Variants in PPP2R2B observed in about 807,000 individuals in gnomAD.
PPP2R2B encodes the protein serine/threonine-protein phosphatase 2A 55 kDa regulatory subunit B beta isoform.
PPP2R2B carries 5 observed loss-of-function variants against 46.0 expected under a neutral mutation model. The observed-to-expected ratio is 0.11, with a 90% CI of 0.06 to 0.23. The LOEUF (loss-of-function observed/expected upper bound fraction) is 0.23, where lower values mean the gene tolerates loss of function less well. Ranked by LOEUF, PPP2R2B falls within the 10% of genes least tolerant of loss-of-function variation. The pLI is 1.00. For missense variants in PPP2R2B, 367 were observed against 575.0 expected (o/e 0.64, Z 3.70); for synonymous variants, 215 against 206.7 (o/e 1.04, Z -0.34).
intron 1 of PPP2R2B, among the ~76,000 whole-genome samples, chr5:146,932,535 T>G (rs535641913): frequency 6.6e-6 from 1 of 152,326 alleles, no homozygotes; most frequent in Admixed American, 6.5e-5. Context: ...AGGCCTTTGC[T>G]TCTCCTTTGC....
intron 5 of PPP2R2B, among the ~76,000 whole-genome samples, chr5:146,656,145 T>C (rs1776317761): frequency 6.6e-6 from 1 of 152,134 alleles, no homozygotes; most frequent in Non-Finnish European, 1.5e-5. Context: ...TGTGTATGTG[T>C]ACATGAGGAA....
At chr5:146,754,562 T>A (rs1212963823) in intron 2 of PPP2R2B, among the ~76,000 whole-genome samples, 1 of 152,146 alleles carries the variant, frequency 6.6e-6, no homozygotes, top group African/African-American at 2.4e-5. Flanking sequence ...TCCACTTGAG[T>A]TTGGGCCAGA....
intron 2 of PPP2R2B, among the ~76,000 whole-genome samples, chr5:147,078,199 A>C (rs1427025323): frequency 1.3e-5 from 2 of 152,176 alleles, no homozygotes; most frequent in African/African-American, 4.8e-5. Context: ...TCTAATTATA[A>C]TATTTATATT....
chr5:146,704,281 T>C (rs1368153293), intron 2 of PPP2R2B, among the ~76,000 whole-genome samples: 2 of 152,224 alleles, frequency 1.3e-5, no homozygotes, highest in Non-Finnish European at 2.9e-5. Context: ...CTGGAAAATA[T>C]ACTGCTCAAG....
intron 2 of PPP2R2B, among the ~76,000 whole-genome samples, chr5:146,814,160 C>G (rs1438554788): frequency 2.0e-5 from 3 of 150,702 alleles, no homozygotes; most frequent in Non-Finnish European, 4.4e-5. Context: ...CACTCCCTCC[C>G]CAAATAAATA....
chr5:147,074,475 C>T (rs958891631), intron 2 of PPP2R2B, among the ~76,000 whole-genome samples: 2 of 152,124 alleles, frequency 1.3e-5, no homozygotes, highest in African/African-American at 4.8e-5. Context: ...ATTATTGTAA[C>T]TAAACATCTA....
At chr5:146,854,978 T>A (rs1760565250) in intron 2 of PPP2R2B, among the ~76,000 whole-genome samples, 1 of 152,170 alleles carries the variant, frequency 6.6e-6, no homozygotes, top group Non-Finnish European at 1.5e-5. Context: ...ACAAAATACT[T>A]CCATTTTTTT....
intron 1 of PPP2R2B, among the ~76,000 whole-genome samples, chr5:146,892,041 C>T (rs1339188791): frequency 3.9e-5 from 6 of 152,178 alleles, no homozygotes; most frequent in African/African-American, 1.4e-4. Context: ...TCCAGACTGT[C>T]AGTCATGCCA....
chr5:146,590,282 G>C, intron 9 of PPP2R2B, 56 bp from the exon 10 acceptor site: 1 of 1,480,794 alleles, frequency 6.8e-7, no homozygotes. Flanking sequence ...TCTTTTTGGA[G>C]CAAATGATAC....
chr5:146,668,122 C>T (rs981668477), intron 5 of PPP2R2B, among the ~76,000 whole-genome samples: 5 of 152,178 alleles, frequency 3.3e-5, no homozygotes, highest in Non-Finnish European at 7.4e-5. Flanking sequence ...TCTCATTCCT[C>T]CTTTCTTATA....
At chr5:146,821,614 G>T (rs1362062923) in intron 2 of PPP2R2B, among the ~76,000 whole-genome samples, 1 of 152,108 alleles carries the variant, frequency 6.6e-6, no homozygotes, top group Non-Finnish European at 1.5e-5. Flanking sequence ...TTACTAGCTT[G>T]GGAAAGTAAA....
chr5:146,700,866 C>G (rs553518742), intron 3 of PPP2R2B, among the ~76,000 whole-genome samples, 179 bp downstream of exon 3: 4 of 152,250 alleles, frequency 2.6e-5, no homozygotes, highest in Non-Finnish European at 5.9e-5. Context: ...AAAAGGCTCT[C>G]TTTTACAGGG....
In PPP2R2B at chr5:146,675,881, C is replaced by G. The variant is rs374584586; in HGVS notation, c.447+15247G>C. ...AAAATTGAGGTAATGATTTATATGT[C>G]GTAAGCAGTTCTGACAGGTGCACTC... On this transcript the variant is annotated intron_variant, in intron 5 of 9. Transcript: ENST00000394411. Among the ~76,000 whole-genome samples, 85 of 152,022 alleles carry G rather than the reference C, an allele frequency of 5.6e-4. 1 individual carries two copies. In the South Asian group the frequency reaches 0.017, roughly 30 times the overall value.
intron 2 of PPP2R2B, among the ~76,000 whole-genome samples, chr5:146,859,607 TAA>T (rs1760866940): frequency 1.3e-5 from 2 of 151,990 alleles, no homozygotes; most frequent in African/African-American, 4.8e-5. Flanking sequence ...AAACCTAAAA[TAA>T]AAGTTTTAAA....
At chr5:146,890,939 G>C (rs1762474214) in intron 1 of PPP2R2B, among the ~76,000 whole-genome samples, 1 of 152,116 alleles carries the variant, frequency 6.6e-6, no homozygotes, top group African/African-American at 2.4e-5. Flanking sequence ...GACTCATTAT[G>C]TCTATTTCAC....
intron 2 of PPP2R2B, among the ~76,000 whole-genome samples, chr5:147,069,057 A>G (rs1055309097): frequency 5.3e-5 from 8 of 152,226 alleles, no homozygotes; most frequent in African/African-American, 1.9e-4. Flanking sequence ...ATGTTCCTTT[A>G]ACTATAAGCT....
At position 146,629,657 on chromosome 5, in the gene PPP2R2B, C is replaced by T. The variant is rs10059468; in HGVS notation, c.790+8594G>A. The stretch of plus-strand genomic sequence containing the variant: ...GTGCTCTGCTCTGGCCCATAAAGCT[C>T]TCAATGATCTAGACCCAGCCTACCT... On this transcript the variant is annotated intron_variant, in intron 7 of 9. Transcript: ENST00000394411. Among the ~76,000 whole-genome samples, 1,430 of 152,246 alleles carry T rather than the reference C, an allele frequency of 9.4e-3. 25 individuals are homozygous for T. The highest frequency in any genetic ancestry group is 0.033 in the African/African-American group (1,354 of 41,538).
At chr5:146,707,317 T>A in intron 2 of PPP2R2B, 1 of 1,115,058 alleles carries the variant, frequency 9.0e-7, no homozygotes, top group Non-Finnish European at 1.4e-6. Flanking sequence ...AAACTTGTTG[T>A]TGAAGGTCTT....
chr5:146,912,743 G>A (rs561819951), intron 1 of PPP2R2B, among the ~76,000 whole-genome samples: 38 of 152,106 alleles, frequency 2.5e-4, no homozygotes, highest in African/African-American at 8.7e-4. Context: ...TCCTGACCTT[G>A]TGATCCGCTC....
Sources: gnomAD v4.1 joint callset for allele counts (sites outside exome capture counted in the v4.1 genomes callset) on GRCh38, gnomAD v4.1.1 for gene constraint, MANE v1.5 for transcripts, NCBI Gene and HGNC (gene_info 2026-07-23, HGNC 2026-07-21) for gene names.